Variants in VPS41 observed in about 807,000 individuals in gnomAD.
VPS41 encodes the protein VPS41 subunit of HOPS complex, also known as vacuolar protein sorting-associated protein 41 homolog.
In VPS41, 85 loss-of-function variants were observed where a neutral mutation model predicts 130.9. That is an observed-to-expected ratio of 0.65 (90% confidence interval 0.55 to 0.78). The LOEUF (loss-of-function observed/expected upper bound fraction) is 0.78, where lower values mean the gene tolerates loss of function less well. VPS41 is among the 30% of genes least tolerant of loss of function. The pLI is 0.00. For missense variants in VPS41, 874 were observed against 1,018.7 expected (o/e 0.86, Z 1.93); for synonymous variants, 335 against 332.9 (o/e 1.01, Z -0.07).
chr7:38,748,299 T>C (rs753744536), intron 22 of VPS41, among the ~76,000 whole-genome samples: 3 of 152,050 alleles, frequency 2.0e-5, no homozygotes, highest in Non-Finnish European at 4.4e-5. Flanking sequence ...GAGTAAAAAA[T>C]GATGCAAAAA....
At chr7:38,831,457 A>G (rs1785386040) in intron 4 of VPS41, 1 of 277,016 alleles carries the variant, frequency 3.6e-6, no homozygotes, top group Non-Finnish European at 7.1e-6. Flanking sequence ...TCACTGCAGT[A>G]AGTTCTACTG....
chr7:38,786,403 C>T (rs1056110856), intron 10 of VPS41, among the ~76,000 whole-genome samples: 1 of 152,148 alleles, frequency 6.6e-6, no homozygotes, highest in Non-Finnish European at 1.5e-5. Context: ...TTTGTTACTT[C>T]AGGTGCTTCA....
At chr7:38,742,979 C>T (rs113142115) in intron 24 of VPS41, among the ~76,000 whole-genome samples, 2 of 151,996 alleles carry the variant, frequency 1.3e-5, no homozygotes, top group Middle Eastern at 3.4e-3. Flanking sequence ...CACAAACATC[C>T]AAATATCATC....
At chr7:38,854,314 T>C (rs771675086) in intron 4 of VPS41, among the ~76,000 whole-genome samples, 14 of 152,192 alleles carry the variant, frequency 9.2e-5, no homozygotes, top group Non-Finnish European at 1.3e-4. Flanking sequence ...TAGAACAGCA[T>C]ACTACAGATG....
chr7:38,738,691 T>C (rs1217286585), intron 25 of VPS41, among the ~76,000 whole-genome samples: 1 of 152,244 alleles, frequency 6.6e-6, no homozygotes, highest in Non-Finnish European at 1.5e-5. Context: ...AAATAAGTGC[T>C]ATTTGTCCTT....
At position 38,883,668 on chromosome 7, in the gene VPS41, T is replaced by C. The variant is rs151009439; in HGVS notation, c.61-14415A>G. 5.8e-4 allele frequency among the ~76,000 whole-genome samples: 11 copies of C among 19,128 alleles called. No individual in the cohort carries two copies. In the African/African-American group the frequency reaches 9.3e-3, roughly 16 times the overall value. 12.5% of individuals were successfully genotyped at this position (19,128 alleles called of 152,430 possible). On this transcript the variant is annotated intron_variant, in intron 2 of 28. Coordinates refer to ENST00000310301, the MANE Select transcript of VPS41 (RefSeq NM_014396.4). ...AATATTTTTTGAATGAATAAAATGA[T>C]CAACCAATCTTGGACTGCCTAAAAT...
chr7:38,862,655 T>C (rs1416256140), intron 3 of VPS41, 33 bp from the exon 4 acceptor site: 2 of 1,364,770 alleles, frequency 1.5e-6, no homozygotes, highest in Non-Finnish European at 2.1e-6. Context: ...AGTTAATTAA[T>C]TAATAATACT....
At chr7:38,782,946 G>A (rs112076232) in intron 10 of VPS41, among the ~76,000 whole-genome samples, 7,487 of 151,348 alleles carry the variant, frequency 0.049, 634 homozygotes, top group African/African-American at 0.17. Flanking sequence ...GTAAAACCCC[G>A]CCTCTATTAA....
At chr7:38,757,864 G>A (rs1200162936) in intron 18 of VPS41, among the ~76,000 whole-genome samples, 1 of 152,146 alleles carries the variant, frequency 6.6e-6, no homozygotes, top group Non-Finnish European at 1.5e-5. Context: ...ATCACTGAAT[G>A]TGCCCAAGAA....
intron 7 of VPS41, among the ~76,000 whole-genome samples, chr7:38,803,552 G>A (rs191876813): frequency 6.6e-6 from 1 of 152,146 alleles, no homozygotes; most frequent in Non-Finnish European, 1.5e-5. Flanking sequence ...ATAAAATAGA[G>A]AAATAGAGAA....
chr7:38,743,888 C>A (rs1218507420), intron 23 of VPS41, among the ~76,000 whole-genome samples: 2 of 152,166 alleles, frequency 1.3e-5, no homozygotes, highest in Non-Finnish European at 2.9e-5. Flanking sequence ...AAATAGTACA[C>A]TGTGAATTTG....
intron 2 of VPS41, among the ~76,000 whole-genome samples, chr7:38,886,446 G>T (rs1193871719): frequency 2.6e-5 from 4 of 152,214 alleles, no homozygotes; most frequent in Admixed American, 2.0e-4. Context: ...TTGGTGGGGG[G>T]AGGGGTGTCT....
intron 4 of VPS41, among the ~76,000 whole-genome samples, chr7:38,852,913 A>C (rs1030414569): frequency 2.0e-5 from 3 of 152,180 alleles, no homozygotes; most frequent in Non-Finnish European, 4.4e-5. Flanking sequence ...AAAGTCAGTC[A>C]CCACAAAGAC....
At chr7:38,834,705 A>C (rs1403724674) in intron 4 of VPS41, among the ~76,000 whole-genome samples, 1 of 152,158 alleles carries the variant, frequency 6.6e-6, no homozygotes, top group Non-Finnish European at 1.5e-5. Flanking sequence ...TAAGAAGATC[A>C]AAAAGAACTG....
At chr7:38,835,305 C>T (rs1382220292) in intron 4 of VPS41, among the ~76,000 whole-genome samples, 1 of 151,750 alleles carries the variant, frequency 6.6e-6, no homozygotes, top group East Asian at 1.9e-4. Context: ...CAATTTTGTT[C>T]ACCATCTTGT....
chr7:38,789,089 A>T (rs1784489626), intron 10 of VPS41, among the ~76,000 whole-genome samples: 1 of 152,172 alleles, frequency 6.6e-6, no homozygotes, highest in Non-Finnish European at 1.5e-5. Flanking sequence ...CATCCAGGGC[A>T]TACTTCTCCT....
chr7:38,747,220 A>G (rs915263811), intron 22 of VPS41, among the ~76,000 whole-genome samples: 1 of 152,180 alleles, frequency 6.6e-6, no homozygotes, highest in Admixed American at 6.5e-5. Context: ...GAGACAAAAA[A>G]CATAAGTAAG....
At chr7:38,804,632 A>C (rs1784803998) in intron 7 of VPS41, among the ~76,000 whole-genome samples, 1 of 152,246 alleles carries the variant, frequency 6.6e-6, no homozygotes, top group Non-Finnish European at 1.5e-5. Context: ...CGGACGTGCC[A>C]TTTAGGAGCA....
At chr7:38,898,186 G>C in intron 1 of VPS41, 57 bp from the exon 2 acceptor site, 1 of 1,488,082 alleles carries the variant, frequency 6.7e-7, no homozygotes, top group Non-Finnish European at 9.4e-7. Context: ...ATAATCATTT[G>C]CAAGGGGAAA....
Sources: gnomAD v4.1 joint callset for allele counts (sites outside exome capture counted in the v4.1 genomes callset) on GRCh38, gnomAD v4.1.1 for gene constraint, MANE v1.5 for transcripts, NCBI Gene and HGNC (gene_info 2026-07-23, HGNC 2026-07-21) for gene names.